Variants in SLC45A4 observed in about 807,000 individuals in gnomAD.
SLC45A4 encodes the protein solute carrier family 45 member 4.
A neutral mutation model predicts 63.7 loss-of-function variants in SLC45A4; 32 were observed. The ratio of observed to expected loss-of-function variants is 0.50; its 90% CI spans 0.38 to 0.67. The LOEUF (loss-of-function observed/expected upper bound fraction) is 0.67, where lower values mean the gene tolerates loss of function less well. Among genes scored for constraint, SLC45A4 ranks in the 30% least tolerant of loss-of-function variants. SLC45A4 has a pLI of 0.00. For synonymous variants in SLC45A4, 535 were observed against 510.0 expected (o/e 1.05, Z -0.66); for missense variants, 1,027 against 1,157.7 (o/e 0.89, Z 1.64).
At chr8:141,295,944 C>T (rs1830532790) in intron 1 of SLC45A4, among the ~76,000 whole-genome samples, 1 of 152,194 alleles carries the variant, frequency 6.6e-6, no homozygotes, top group East Asian at 1.9e-4. Flanking sequence ...TGTCCACAGC[C>T]CGGGGTCAGC....
intron 1 of SLC45A4, among the ~76,000 whole-genome samples, chr8:141,283,414 G>C (rs1048218946): frequency 6.6e-6 from 1 of 152,196 alleles, no homozygotes; most frequent in East Asian, 1.9e-4. Flanking sequence ...CCTACCTCTA[G>C]CTCCCAGTGC....
At chr8:141,234,352 T>C (rs1301103979) in intron 2 of SLC45A4, among the ~76,000 whole-genome samples, 1 of 152,220 alleles carries the variant, frequency 6.6e-6, no homozygotes, top group African/African-American at 2.4e-5. Flanking sequence ...TGGGCCTAGC[T>C]TGGGCTCTTC....
intron 2 of SLC45A4, among the ~76,000 whole-genome samples, chr8:141,235,340 A>ACCC (rs1359249563): frequency 6.6e-6 from 1 of 152,168 alleles, no homozygotes; most frequent in Non-Finnish European, 1.5e-5. Context: ...GGGCATTTCA[A>ACCC]CCCAGGGCAC....
intron 3 of SLC45A4, 77 bp from the exon 4 acceptor site, chr8:141,219,906 G>C: frequency 7.3e-7 from 1 of 1,379,212 alleles, no homozygotes; most frequent in South Asian, 1.4e-5. Flanking sequence ...CAGCCACATG[G>C]AAGGGGCATG....
chr8:141,247,317 C>T (rs1828261861), intron 2 of SLC45A4, among the ~76,000 whole-genome samples: 1 of 98,046 alleles, frequency 1.0e-5, no homozygotes, highest in Non-Finnish European at 2.8e-5. Context: ...GTGCTATTTA[C>T]AATAACATGA....
At chr8:141,281,796 T>A (rs111469388) in intron 1 of SLC45A4, among the ~76,000 whole-genome samples, 38 of 152,330 alleles carry the variant, frequency 2.5e-4, no homozygotes, top group African/African-American at 8.4e-4. Context: ...TTCATTAGGA[T>A]TTTTACCCAG....
rs1172146993 is a variant in SLC45A4 at position 141,254,237 on chromosome 8, A to C, written c.-8T>G. On this transcript the variant is annotated 5_prime_UTR_variant, in exon 2 of 9. Transcript: ENST00000517878. The surrounding 1 kb of genome is among the most constrained non-coding windows in gnomAD (Gnocchi z 4.5). Reference sequence around the variant, plus strand: ...CTGCGGAGCCATTTTCATTACCACCAAAAATATATGTATTTATCTATATAT... The same window carrying C: ...CTGCGGAGCCATTTTCATTACCACCCAAAATATATGTATTTATCTATATAT... 6.5e-7 allele frequency: 1 copy of C among 1,529,172 alleles called. No individual in the cohort carries two copies. Among genetic ancestry groups the C allele is most frequent in the South Asian group, 1.2e-5 (1 of 83,894 alleles). 94.7% of individuals were successfully genotyped at this position (1,529,172 alleles called of 1,614,324 possible).
intron 2 of SLC45A4, among the ~76,000 whole-genome samples, chr8:141,242,899 T>TA (rs1306357999): frequency 1.3e-5 from 2 of 152,300 alleles, no homozygotes; most frequent in Non-Finnish European, 1.5e-5. Context: ...GGTAGGAGGC[T>TA]ATAGAATCTC....
chr8:141,218,424 A>T lies in SLC45A4; in HGVS notation c.1216T>A (p.Ser406Thr). The T allele has an allele frequency of 6.2e-7, 1 of 1,611,476 alleles. No individual in the cohort carries two copies. Among genetic ancestry groups the T allele is most frequent in the Non-Finnish European group, 8.5e-7 (1 of 1,179,890 alleles). ...GGYTRVDTKP[S>T]ATSSSMRRRR... Reference sequence around the variant, plus strand: ...CGCCGCATGGAGCTCGACGTGGCCGAGGGCTTCGTGTCCACCCTGGTGTAG... The same window carrying T: ...CGCCGCATGGAGCTCGACGTGGCCGTGGGCTTCGTGTCCACCCTGGTGTAG... The change falls in exon 5 of 9, where the codon TCG becomes ACG. Residue 406 changes from serine to threonine, a missense_variant. By Grantham distance (58) the Ser-to-Thr change is moderately conservative. Coordinates refer to ENST00000517878, the MANE Select transcript of SLC45A4 (RefSeq NM_001286646.2).
intron 1 of SLC45A4, among the ~76,000 whole-genome samples, chr8:141,299,807 T>G (rs1303382629): frequency 6.6e-6 from 1 of 152,176 alleles, no homozygotes; most frequent in Non-Finnish European, 1.5e-5. Context: ...TCAAAGTCTT[T>G]TAAGAGACTG....
At chr8:141,281,293 C>G (rs1387423548) in intron 1 of SLC45A4, among the ~76,000 whole-genome samples, 1 of 152,172 alleles carries the variant, frequency 6.6e-6, no homozygotes, top group Admixed American at 6.5e-5. Flanking sequence ...GAGCTGAGAT[C>G]ACGCCACCGT....
intron 1 of SLC45A4, among the ~76,000 whole-genome samples, chr8:141,270,290 G>A (rs1404451772): frequency 6.6e-6 from 1 of 151,836 alleles, no homozygotes; most frequent in Non-Finnish European, 1.5e-5. Flanking sequence ...ACTTTGGGAG[G>A]CTGAGGAAGG....
intron 7 of SLC45A4, among the ~76,000 whole-genome samples, chr8:141,213,918 T>TA (rs1652047943): frequency 1.3e-5 from 2 of 152,194 alleles, no homozygotes; most frequent in South Asian, 4.1e-4. Context: ...TAAAGCATCA[T>TA]ACTCTGGGCT....
intron 1 of SLC45A4, among the ~76,000 whole-genome samples, chr8:141,291,939 G>A (rs552874166): frequency 6.6e-6 from 1 of 152,364 alleles, no homozygotes; most frequent in South Asian, 2.1e-4. Context: ...CATCTCATCT[G>A]CATGTTAGGT....
chr8:141,267,244 G>A (rs1049625705), intron 1 of SLC45A4, among the ~76,000 whole-genome samples: 8 of 152,234 alleles, frequency 5.3e-5, no homozygotes, highest in East Asian at 3.8e-4. Context: ...GAATGATACC[G>A]GGGCAGCAGC....
intron 1 of SLC45A4, among the ~76,000 whole-genome samples, chr8:141,273,221 GC>G (rs1397329786): frequency 6.6e-6 from 1 of 152,206 alleles, no homozygotes; most frequent in African/African-American, 2.4e-5. Context: ...TGCATGATCA[GC>G]TGAGTAGGTT....
In SLC45A4 at chr8:141,258,885, CT is replaced by C. The variant is rs71504830; in HGVS notation, c.-400-4257del. On this transcript the variant is annotated intron_variant, in intron 1 of 8. Coordinates refer to ENST00000517878, the MANE Select transcript of SLC45A4 (RefSeq NM_001286646.2). ...CAGTCTGCGAGACACAGTGAGACCT[CT>C]TTTTTTTAAAAAAAAAAAAAACAGA... is the stretch of plus-strand genomic sequence containing the variant. Among the ~76,000 whole-genome samples, 68 of 119,518 alleles carry C rather than the reference CT, an allele frequency of 5.7e-4. No individual in the cohort carries two copies. The East Asian group carries it at 6.6e-3, about 12-fold the overall frequency. 78.4% of individuals were successfully genotyped at this position (119,518 alleles called of 152,430 possible).
At chr8:141,240,110 T>C (rs1827836981) in intron 2 of SLC45A4, among the ~76,000 whole-genome samples, 1 of 152,200 alleles carries the variant, frequency 6.6e-6, no homozygotes, top group South Asian at 2.1e-4. Flanking sequence ...TGGACAGATA[T>C]AAAGTGAGCA....
intron 1 of SLC45A4, among the ~76,000 whole-genome samples, chr8:141,271,595 C>T (rs1267733854): frequency 6.6e-6 from 1 of 152,216 alleles, no homozygotes; most frequent in Non-Finnish European, 1.5e-5. Context: ...TCCTGATCCC[C>T]TTCCTGACCC....
Sources: gnomAD v4.1 joint callset for allele counts (sites outside exome capture counted in the v4.1 genomes callset) on GRCh38, gnomAD v4.1.1 for gene constraint, Gnocchi (gnomAD v3.1) non-coding constraint, MANE v1.5 for transcripts, NCBI Gene and HGNC (gene_info 2026-07-23, HGNC 2026-07-21) for gene names.